CRPPA: variants seen among roughly 807,000 people sequenced by gnomAD.
CRPPA encodes the protein D-ribitol-5-phosphate cytidylyltransferase.
CRPPA carries 43 observed loss-of-function variants against 52.0 expected under a neutral mutation model. The observed-to-expected ratio is 0.83, with a 90% CI of 0.65 to 1.07. The LOEUF is 1.07. Among genes scored for constraint, CRPPA ranks in the 50% least tolerant of loss-of-function variants. CRPPA has a pLI of 0.00. For missense variants in CRPPA, 629 were observed against 551.7 expected, an observed-to-expected ratio of 1.14 and a Z score of -1.40; for synonymous variants, 250 against 203.5, an observed-to-expected ratio of 1.23 and a Z score of -1.94.
At chr7:16,253,704 A>T (rs991369135) in intron 8 of CRPPA, among the ~76,000 whole-genome samples, 1 of 152,172 alleles carries the variant, frequency 6.6e-6, no homozygotes, top group East Asian at 1.9e-4. Flanking sequence ...TAAAACACCA[A>T]AGCAATGGCA....
At chr7:16,265,444 C>G (rs879381998) in intron 6 of CRPPA, among the ~76,000 whole-genome samples, 1 of 152,172 alleles carries the variant, frequency 6.6e-6, no homozygotes, top group Admixed American at 6.5e-5. Context: ...ACATTCAGCC[C>G]GGAAGATCCA....
intron 3 of CRPPA, among the ~76,000 whole-genome samples, chr7:16,320,572 A>G (rs890741576): frequency 2.6e-5 from 4 of 152,148 alleles, no homozygotes; most frequent in Admixed American, 6.5e-5. Context: ...CAGCCTGGGA[A>G]GTTTGCCCAA....
At chr7:16,399,381 CGATT>C (rs1184459488) in intron 2 of CRPPA, among the ~76,000 whole-genome samples, 1 of 151,162 alleles carries the variant, frequency 6.6e-6, no homozygotes, top group African/African-American at 2.4e-5. Flanking sequence ...ATTTGTGACA[CGATT>C]GAAGTGATTG....
At chr7:16,335,870 C>T (rs1003758670) in intron 3 of CRPPA, among the ~76,000 whole-genome samples, 2 of 152,108 alleles carry the variant, frequency 1.3e-5, no homozygotes, top group African/African-American at 2.4e-5. Flanking sequence ...AAGCAGTGGG[C>T]GGGTAAGAAA....
At chr7:16,308,451 G>T in intron 4 of CRPPA, 72 bp downstream of exon 4, 1 of 820,720 alleles carries the variant, frequency 1.2e-6, no homozygotes, top group Non-Finnish European at 2.1e-6. Flanking sequence ...TGCACTACTG[G>T]TTTTAAATGT....
At chr7:16,119,751 T>C (rs1227701935) in intron 9 of CRPPA, among the ~76,000 whole-genome samples, 1 of 152,166 alleles carries the variant, frequency 6.6e-6, no homozygotes, top group Non-Finnish European at 1.5e-5. Flanking sequence ...ACAAAAGTTA[T>C]AAAAAGTTTA....
At chr7:16,348,507 T>G (rs1472593184) in intron 3 of CRPPA, among the ~76,000 whole-genome samples, 1 of 152,084 alleles carries the variant, frequency 6.6e-6, no homozygotes, top group Non-Finnish European at 1.5e-5. Context: ...ATCCTATAAA[T>G]CTAGCTCTGG....
At chr7:16,319,144 G>C (rs1258946190) in intron 3 of CRPPA, among the ~76,000 whole-genome samples, 3 of 152,156 alleles carry the variant, frequency 2.0e-5, no homozygotes, top group Non-Finnish European at 4.4e-5. Context: ...ATTAAAATTT[G>C]TTTCCTATAC....
intron 3 of CRPPA, among the ~76,000 whole-genome samples, chr7:16,310,155 G>A (rs1785003030): frequency 6.6e-6 from 1 of 152,006 alleles, no homozygotes; most frequent in South Asian, 2.1e-4. Context: ...ATTCACCATG[G>A]GGGGGTTATA....
chr7:16,396,536 G>T (rs1787576214), intron 2 of CRPPA, among the ~76,000 whole-genome samples: 1 of 152,182 alleles, frequency 6.6e-6, no homozygotes, highest in South Asian at 2.1e-4. Context: ...AAATCTAAAA[G>T]TAGAACTACC....
intron 9 of CRPPA, among the ~76,000 whole-genome samples, chr7:16,125,760 A>C (rs1782566898): frequency 6.6e-6 from 1 of 152,086 alleles, no homozygotes; most frequent in Non-Finnish European, 1.5e-5. Context: ...TGTTGTAAGA[A>C]TTTATTTTAA....
intron 3 of CRPPA, among the ~76,000 whole-genome samples, chr7:16,365,835 T>A (rs1172569056): frequency 6.6e-6 from 1 of 152,156 alleles, no homozygotes; most frequent in Non-Finnish European, 1.5e-5. Context: ...ATATTTGTAA[T>A]GTGTAAGACC....
rs1409645549 is a variant in CRPPA, at chr7:16,089,459, G to C, written c.*2236C>G. ...TATATATGTACGTGCATACATATATGTGTATATATGTACGTACATATATAC... is the reference window on the plus strand; with the variant it reads ...TATATATGTACGTGCATACATATATCTGTATATATGTACGTACATATATAC... On this transcript the variant is annotated 3_prime_UTR_variant, in exon 10 of 10. Coordinates refer to ENST00000407010, the MANE Select transcript of CRPPA (RefSeq NM_001101426.4). 3.1e-6 allele frequency: 1 copy of C among 327,122 alleles called. No individual in the cohort carries two copies. The highest frequency in any genetic ancestry group is 2.7e-5 in the Admixed American group (1 of 37,666). The allele number at this position is 327,122 out of a possible 1,614,324, so 20.3% of individuals were successfully genotyped here. A position where few individuals can be genotyped will look rare whatever the true frequency, so the allele number is the denominator to read the frequency against.
chr7:16,192,735 AC>A (rs1197933360), intron 9 of CRPPA, among the ~76,000 whole-genome samples: 2 of 152,124 alleles, frequency 1.3e-5, no homozygotes, highest in Non-Finnish European at 2.9e-5. Flanking sequence ...TCTTGAGTTT[AC>A]TTTTGCATTA....
intron 8 of CRPPA, among the ~76,000 whole-genome samples, chr7:16,241,718 A>G (rs1329761690): frequency 6.6e-6 from 1 of 152,132 alleles, no homozygotes; most frequent in African/African-American, 2.4e-5. Context: ...TGCCAGAACC[A>G]AATACATAAG....
chr7:16,409,597 G>A (rs962842619), intron 1 of CRPPA, among the ~76,000 whole-genome samples: 3 of 152,114 alleles, frequency 2.0e-5, no homozygotes, highest in Non-Finnish European at 4.4e-5. Context: ...AAGAAAAAGT[G>A]GCAAAATAAT....
rs112841814 is a variant in CRPPA, at chr7:16,167,220, C to G, written c.1251+48846G>C. Among the ~76,000 whole-genome samples, 450 of 152,282 alleles carry G rather than the reference C, an allele frequency of 3.0e-3. 2 individuals are homozygous for G. Among genetic ancestry groups the G allele is most frequent in the African/African-American group, 0.011 (438 of 41,560 alleles). ...GGATTACAGGCGTGAGCCACCGCGCCCAGCCTTTCCAAGCTACTTTCATCA... is the reference window on the plus strand; with the variant it reads ...GGATTACAGGCGTGAGCCACCGCGCGCAGCCTTTCCAAGCTACTTTCATCA... On this transcript the variant is annotated intron_variant, in intron 9 of 9. Coordinates refer to ENST00000407010, the MANE Select transcript of CRPPA (RefSeq NM_001101426.4).
At chr7:16,224,491 T>C (rs1465754246) in intron 8 of CRPPA, among the ~76,000 whole-genome samples, 2 of 152,130 alleles carry the variant, frequency 1.3e-5, no homozygotes, top group Non-Finnish European at 2.9e-5. Flanking sequence ...AGCTTAAGTA[T>C]ATACCTAAAT....
intron 9 of CRPPA, among the ~76,000 whole-genome samples, chr7:16,100,788 T>C (rs1278489661): frequency 6.6e-6 from 1 of 152,206 alleles, no homozygotes; most frequent in African/African-American, 2.4e-5. Context: ...GGCTGTGGGT[T>C]TGTCATACGT....
Sources: allele counts gnomAD v4.1 joint callset (sites outside exome capture counted in the v4.1 genomes callset), GRCh38; gene constraint gnomAD v4.1.1; transcripts MANE v1.5; gene names NCBI Gene and HGNC (gene_info 2026-07-23, HGNC 2026-07-21).